Variants in TLE2 observed in about 807,000 individuals in gnomAD.
The protein encoded by TLE2 is transducin-like enhancer protein 2.
In TLE2, 74 loss-of-function variants were observed where a neutral mutation model predicts 97.2. The ratio of observed to expected loss-of-function variants is 0.76; its 90% CI spans 0.63 to 0.92. The LOEUF (loss-of-function observed/expected upper bound fraction) is 0.92. TLE2 is among the 40% of genes least tolerant of loss of function. TLE2 has a pLI of 0.00. For missense variants in TLE2, 1,038 were observed against 1,008.7 expected (o/e 1.03, Z -0.39); for synonymous variants, 499 against 432.1 (o/e 1.15, Z -1.92).
At chr19:3,028,134 G>A (rs1225059371) in intron 3 of TLE2, among the ~76,000 whole-genome samples, 185 bp downstream of exon 3, 1 of 152,034 alleles carries the variant, frequency 6.6e-6, no homozygotes, top group Non-Finnish European at 1.5e-5. Context: ...CAGGCGAGGG[G>A]TCCTCCCTGT....
At position 3,009,589 on chromosome 19, in the gene TLE2, G is replaced by T; in HGVS notation, c.1126C>A (p.Leu376Met). The change falls in exon 13 of 20, where the codon CTG becomes ATG. Residue 376 changes from leucine (L) to methionine (M), a missense_variant. Leu to Met is a conservative substitution (Grantham distance 15). Transcript: ENST00000262953. ...SVPSSYVSLHLSPQVSSSVVY... is the reference protein window; with the variant it reads ...SVPSSYVSLHMSPQVSSSVVY... Reference sequence around the variant, plus strand: ...ACAGAGCTGCTGACCTGGGGGGACAGGTGGAGGCTGACGTAGGAGCTGGGC... The same window carrying T: ...ACAGAGCTGCTGACCTGGGGGGACATGTGGAGGCTGACGTAGGAGCTGGGC... 14 of 1,613,518 alleles carry T rather than the reference G, an allele frequency of 8.7e-6. No homozygotes were observed. Among genetic ancestry groups the T allele is most frequent in the Non-Finnish European group, 1.2e-5 (14 of 1,179,736 alleles).
chr19:3,008,172 G>A (rs1054681964), intron 14 of TLE2, among the ~76,000 whole-genome samples: 5 of 152,212 alleles, frequency 3.3e-5, no homozygotes, highest in African/African-American at 7.2e-5. Flanking sequence ...AGCTGGTGGC[G>A]ACTGGGTTGG....
chr19:3,005,993 G>T (rs1320386612), intron 15 of TLE2, 25 bp from the exon 16 acceptor site: 1 of 1,608,978 alleles, frequency 6.2e-7, no homozygotes, highest in Non-Finnish European at 8.5e-7. Context: ...AGAAGCAGGG[G>T]CTGGGGGTTG....
intron 1 of TLE2, among the ~76,000 whole-genome samples, chr19:3,043,078 C>A (rs2090116383): frequency 6.6e-6 from 1 of 152,134 alleles, no homozygotes; most frequent in Admixed American, 6.6e-5. Flanking sequence ...CCTCAGCCTC[C>A]CAAAGTGCTG....
intron 14 of TLE2, among the ~76,000 whole-genome samples, chr19:3,008,205 T>A (rs377218792): frequency 2.6e-4 from 40 of 152,240 alleles, no homozygotes; most frequent in African/African-American, 8.2e-4. Context: ...CTAGAACACT[T>A]CCATCACTGC....
chr19:3,018,437 C>A (rs2089761894), intron 7 of TLE2, among the ~76,000 whole-genome samples: 1 of 151,386 alleles, frequency 6.6e-6, no homozygotes, highest in Admixed American at 6.6e-5. Flanking sequence ...AGATTACAGG[C>A]ACCCACCACC....
chr19:3,001,574 G>T (rs181683927), intron 18 of TLE2, among the ~76,000 whole-genome samples: 1 of 151,880 alleles, frequency 6.6e-6, no homozygotes, highest in African/African-American at 2.4e-5. Context: ...CAGCCTCAAA[G>T]TCCTGGGCTC....
At position 3,017,849 on chromosome 19, in the gene TLE2, GGC is replaced by G; in HGVS notation, c.559_560del (p.Ala187ProfsTer11). The G allele has an allele frequency of 6.2e-7, 1 of 1,612,310 alleles. No individual in the cohort carries two copies. The highest frequency in any genetic ancestry group is 8.5e-7 in the Non-Finnish European group (1 of 1,179,268). ...GGTGCCACTCACTTACCCTGCTCGG[GGC>G]TCTCTCCACTGACAGATTGGGAATG... The part of the protein sequence containing the change: ...VEAEGSRVER[A>X]PSRSASPSPP... On this transcript the variant is annotated frameshift_variant, in exon 8 of 20. Coordinates refer to ENST00000262953, the MANE Select transcript of TLE2 (RefSeq NM_003260.5). LOFTEE classifies it high-confidence loss of function.
In TLE2 at chr19:3,027,097, C is replaced by G. The variant is rs569199792; in HGVS notation, c.231+732G>C. Among the ~76,000 whole-genome samples the G allele has an allele frequency of 1.1e-4, 17 of 152,260 alleles. No individual in the cohort carries two copies. The East Asian group carries it at 2.9e-3, about 26-fold the overall frequency. On this transcript the variant is annotated intron_variant, in intron 4 of 19. Coordinates refer to ENST00000262953, the MANE Select transcript of TLE2 (RefSeq NM_003260.5). Reference sequence around the variant, plus strand: ...GAGGTCTATCTCAGAACACTGAGGTCAATCTCAGAACCCTGAGGTCTATCT... The same window carrying G: ...GAGGTCTATCTCAGAACACTGAGGTGAATCTCAGAACCCTGAGGTCTATCT...
chr19:3,005,858 G>A lies in TLE2; in HGVS notation c.1611C>T (p.Pro537=), dbSNP rs1455036681. The A allele has an allele frequency of 6.2e-7, 1 of 1,613,952 alleles. No individual in the cohort carries two copies. Among genetic ancestry groups the A allele is most frequent in the Non-Finnish European group, 8.5e-7 (1 of 1,179,866 alleles). ...AGGAAGTCAGCTCGGCCTTGATACG[G>A]GGGGTGGGCGCCGCCAGGTCCCAAA... is the stretch of plus-strand genomic sequence containing the variant. ...LSIWDLAAPT[P]RIKAELTSSA... Residue 537 remains proline, a synonymous_variant, in exon 16 of 20, where the codon CCC becomes CCT. Transcript: ENST00000262953.
Position 3,015,705 on chromosome 19 carries a change from G to C in TLE2, c.626C>G (p.Pro209Arg), listed in dbSNP as rs377486880. The C allele has an allele frequency of 1.1e-5, 18 of 1,611,552 alleles. No homozygotes were observed. Among genetic ancestry groups the C allele is most frequent in the Non-Finnish European group, 1.2e-5 (14 of 1,179,378 alleles). The change falls in exon 9 of 20, where the codon CCT becomes CGT. Residue 209 changes from proline (P) to arginine (R), a missense_variant. Transcript: ENST00000262953. ...TGCTCTCTGCTTCCCGCCACCACCA[G>C]GGCCACTCGGTCGCTCCTCCTCCAC... is the stretch of plus-strand genomic sequence containing the variant. ...SLVEEERPSG[P>R]GGGGKQRADE... is the part of the protein sequence containing the mutation.
intron 18 of TLE2, among the ~76,000 whole-genome samples, chr19:3,001,033 G>A (rs975836211): frequency 6.6e-6 from 1 of 151,926 alleles, no homozygotes; most frequent in Non-Finnish European, 1.5e-5. Context: ...CCCACTTTGG[G>A]AGACAGAGGT....
At chr19:3,015,241 G>A (rs1052807818) in intron 9 of TLE2, among the ~76,000 whole-genome samples, 12 of 152,278 alleles carry the variant, frequency 7.9e-5, no homozygotes, top group African/African-American at 2.9e-4. Flanking sequence ...CCTGGCCCCT[G>A]GGATGCTAGA....
At chr19:3,045,584 A>G (rs1356672094) in intron 1 of TLE2, 2 of 301,526 alleles carry the variant, frequency 6.6e-6, no homozygotes, top group African/African-American at 2.2e-5. Context: ...TGGGAGGCCA[A>G]GGCGGGCGGA....
intron 7 of TLE2, 21 bp from the exon 8 acceptor site, chr19:3,017,880 TAAAGAGAAAG>T: frequency 6.2e-7 from 1 of 1,611,448 alleles, no homozygotes; most frequent in Non-Finnish European, 8.5e-7. Flanking sequence ...GGGAATGGGA[TAAAGAGAAAG>T]AAGGAGAAAG....
intron 1 of TLE2, among the ~76,000 whole-genome samples, chr19:3,038,132 T>C (rs1451245495): frequency 6.6e-6 from 1 of 151,958 alleles, no homozygotes; most frequent in African/African-American, 2.4e-5. Context: ...AAAAAAATAA[T>C]AATAACAATA....
chr19:3,040,316 G>A (rs1384939462), intron 1 of TLE2, among the ~76,000 whole-genome samples: 1 of 152,092 alleles, frequency 6.6e-6, no homozygotes, highest in African/African-American at 2.4e-5. Flanking sequence ...CTGGCCGCAT[G>A]GCCCAATCTG....
rs767324162 is a variant in TLE2, at chr19:3,017,824, G to A, written c.570+16C>T. ...CCCAAGAATATAAAAAGAGTCCCAG[G>A]GTGCCACTCACTTACCCTGCTCGGG... On this transcript the variant is annotated intron_variant, in intron 8 of 19. Coordinates refer to ENST00000262953, the MANE Select transcript of TLE2 (RefSeq NM_003260.5). The A allele has an allele frequency of 1.2e-6, 2 of 1,610,488 alleles. No homozygotes were observed. Among genetic ancestry groups the A allele is most frequent in the East Asian group, 2.2e-5 (1 of 44,598 alleles).
Position 3,019,732 on chromosome 19 carries a change from C to G in TLE2, c.336G>C (p.Gln112His), listed in dbSNP as rs1470557288. 2.5e-6 allele frequency: 4 copies of G among 1,613,042 alleles called. No individual in the cohort carries two copies. Among genetic ancestry groups the G allele is most frequent in the Non-Finnish European group, 3.4e-6 (4 of 1,179,582 alleles). The stretch of plus-strand genomic sequence containing the variant: ...GGCTGTTCAGCTCCCCCACGGTGAC[C>G]TGCTTGGCGCGTTCTACGGCCTGGA... ...QVLQAVERAK[Q>H]VTVGELNSLI... Residue 112 changes from glutamine to histidine, a missense_variant, in exon 6 of 20, where the codon CAG becomes CAC. Transcript: ENST00000262953. The surrounding 1 kb of genome is among the most constrained non-coding windows in gnomAD (Gnocchi z 5.1).
Sources: allele counts gnomAD v4.1 joint callset (sites outside exome capture counted in the v4.1 genomes callset), GRCh38; gene constraint gnomAD v4.1.1; non-coding constraint Gnocchi (gnomAD v3.1); transcripts MANE v1.5; gene names NCBI Gene and HGNC (gene_info 2026-07-23, HGNC 2026-07-21).